MARCHF11: variants seen among roughly 807,000 people sequenced by gnomAD.
MARCHF11 encodes the protein E3 ubiquitin-protein ligase MARCHF11.
MARCHF11 carries 29 observed loss-of-function variants against 37.3 expected under a neutral mutation model. The observed-to-expected ratio is 0.78, with a 90% CI of 0.58 to 1.06. The LOEUF (loss-of-function observed/expected upper bound fraction) is 1.06. Among genes scored for constraint, MARCHF11 ranks in the 50% least tolerant of loss-of-function variants. MARCHF11 has a pLI of 0.00. For synonymous variants in MARCHF11, 233 were observed against 228.0 expected (o/e 1.02, Z -0.20); for missense variants, 482 against 533.4 (o/e 0.90, Z 0.95).
At chr5:16,177,211 T>C (rs1488832440) in intron 2 of MARCHF11, among the ~76,000 whole-genome samples, 1 of 152,196 alleles carries the variant, frequency 6.6e-6, no homozygotes, top group Non-Finnish European at 1.5e-5. Flanking sequence ...AAAATTTAAC[T>C]GCAAAAGAAC....
chr5:16,159,944 A>G (rs552836991), intron 2 of MARCHF11, among the ~76,000 whole-genome samples: 1 of 152,144 alleles, frequency 6.6e-6, no homozygotes, highest in Non-Finnish European at 1.5e-5. Flanking sequence ...TAAGTTTTAC[A>G]TCATGAAATG....
chr5:16,091,167 CATA>C (rs1736786483), intron 2 of MARCHF11, 86 bp from the exon 3 acceptor site: 5 of 1,127,058 alleles, frequency 4.4e-6, no homozygotes, highest in East Asian at 2.7e-5. Context: ...TGTTTCTTTT[CATA>C]ATGTTAGACC....
At position 16,090,995 on chromosome 5, in the gene MARCHF11, A is replaced by G; in HGVS notation, c.780T>C (p.Thr260=). The G allele has an allele frequency of 6.2e-7, 1 of 1,612,342 alleles. No individual in the cohort carries two copies. Among genetic ancestry groups the G allele is most frequent in the Non-Finnish European group, 8.5e-7 (1 of 1,179,248 alleles). Residue 260 remains threonine (T), a synonymous_variant, in exon 3 of 4, where the codon ACT becomes ACC. Transcript: ENST00000332432. The part of the protein sequence containing the change: ...LGSLFLIASV[T]WLLWSAFSPY... The stretch of plus-strand genomic sequence containing the variant: ...GGCTGAAGGCTGACCAGAGGAGCCA[A>G]GTCACACTGGCTATTAAGAACAGGG...
At chr5:16,150,366 T>C (rs1579413497) in intron 2 of MARCHF11, among the ~76,000 whole-genome samples, 1 of 149,234 alleles carries the variant, frequency 6.7e-6, no homozygotes, top group East Asian at 1.9e-4. Context: ...AGGATAAATG[T>C]GCTCCTGCCT....
At chr5:16,071,552 C>G (rs1374513136) in intron 3 of MARCHF11, among the ~76,000 whole-genome samples, 1 of 152,126 alleles carries the variant, frequency 6.6e-6, no homozygotes. Flanking sequence ...ACTTGAAATT[C>G]TTTCTAGTAT....
intron 3 of MARCHF11, among the ~76,000 whole-genome samples, chr5:16,083,305 G>C (rs953539504): frequency 7.2e-5 from 11 of 152,164 alleles, no homozygotes; most frequent in African/African-American, 2.7e-4. Flanking sequence ...AGTCTACTCA[G>C]ACATCCCCAA....
chr5:16,105,082 C>A (rs540236971), intron 2 of MARCHF11, among the ~76,000 whole-genome samples: 1 of 152,224 alleles, frequency 6.6e-6, no homozygotes, highest in South Asian at 2.1e-4. Context: ...GGCTTCTAGA[C>A]GAAGTCTGAT....
chr5:16,081,642 A>C (rs1736611135), intron 3 of MARCHF11, among the ~76,000 whole-genome samples: 1 of 152,190 alleles, frequency 6.6e-6, no homozygotes, highest in Non-Finnish European at 1.5e-5. Context: ...ACAGATTACT[A>C]ATGCTGCTTT....
intron 2 of MARCHF11, among the ~76,000 whole-genome samples, chr5:16,171,847 C>A (rs758937467): frequency 1.3e-5 from 2 of 152,148 alleles, no homozygotes; most frequent in Non-Finnish European, 2.9e-5. Context: ...ACCCATAAGT[C>A]GACCCATTTC....
chr5:16,174,172 G>A (rs1738318352), intron 2 of MARCHF11, among the ~76,000 whole-genome samples: 1 of 152,090 alleles, frequency 6.6e-6, no homozygotes, highest in Non-Finnish European at 1.5e-5. Context: ...GATCTTATAT[G>A]TCCACGCATT....
intron 3 of MARCHF11, among the ~76,000 whole-genome samples, chr5:16,072,609 A>G (rs1736457603): frequency 6.6e-6 from 1 of 151,212 alleles, no homozygotes; most frequent in East Asian, 1.9e-4. Flanking sequence ...GCAAATCAGA[A>G]AGAGAGTCTT....
In MARCHF11 at chr5:16,178,321, T is replaced by A. The variant is rs144127012; in HGVS notation, c.538-440A>T. Among the ~76,000 whole-genome samples, 898 of 152,344 alleles carry A rather than the reference T, an allele frequency of 5.9e-3. 14 individuals carry two copies. The highest frequency in any genetic ancestry group is 0.053 in the Admixed American group (811 of 15,308). On this transcript the variant is annotated intron_variant, in intron 1 of 3. Coordinates refer to ENST00000332432, the MANE Select transcript of MARCHF11 (RefSeq NM_001102562.3). ...ATATTGTCTTAGGGCACTATATTCC[T>A]GAAAGCCTGTATATTCTTATGCAAT...
chr5:16,162,259 C>T (rs1738091654), intron 2 of MARCHF11, among the ~76,000 whole-genome samples: 1 of 151,840 alleles, frequency 6.6e-6, no homozygotes, highest in South Asian at 2.1e-4. Context: ...GCCCCTAAAA[C>T]CAACATCTCA....
chr5:16,178,987 C>A, intron 1 of MARCHF11, 52 bp downstream of exon 1: 2 of 1,366,378 alleles, frequency 1.5e-6, no homozygotes, highest in Non-Finnish European at 1.9e-6. Flanking sequence ...AAAGCTTGAC[C>A]GGCGCGAGCT....
At chr5:16,092,018 C>T (rs1736797511) in intron 2 of MARCHF11, among the ~76,000 whole-genome samples, 1 of 152,150 alleles carries the variant, frequency 6.6e-6, no homozygotes, top group South Asian at 2.1e-4. Flanking sequence ...CAACATATGG[C>T]TTCTCAGAAG....
At chr5:16,076,591 A>G (rs1736521902) in intron 3 of MARCHF11, among the ~76,000 whole-genome samples, 1 of 152,232 alleles carries the variant, frequency 6.6e-6, no homozygotes, top group Non-Finnish European at 1.5e-5. Context: ...AGCATCATAT[A>G]TCACAGGGGT....
At chr5:16,171,024 G>T (rs1738253783) in intron 2 of MARCHF11, among the ~76,000 whole-genome samples, 1 of 152,090 alleles carries the variant, frequency 6.6e-6, no homozygotes. Context: ...ATTTGAATCT[G>T]ATACGACCAA....
At chr5:16,109,449 T>C (rs913950317) in intron 2 of MARCHF11, among the ~76,000 whole-genome samples, 13 of 152,222 alleles carry the variant, frequency 8.5e-5, no homozygotes, top group Non-Finnish European at 1.0e-4. Context: ...GTAGAACTTC[T>C]GGGTGGGTGA....
chr5:16,165,760 A>G (rs569334717), intron 2 of MARCHF11, among the ~76,000 whole-genome samples: 1 of 152,204 alleles, frequency 6.6e-6, no homozygotes, highest in African/African-American at 2.4e-5. Flanking sequence ...TGATAATGTT[A>G]AACTTGATTG....
Sources: gnomAD v4.1 joint callset for allele counts (sites outside exome capture counted in the v4.1 genomes callset) on GRCh38, gnomAD v4.1.1 for gene constraint, MANE v1.5 for transcripts, NCBI Gene and HGNC (gene_info 2026-07-23, HGNC 2026-07-21) for gene names.